The following RP1L1 variants were observed in gnomAD, a reference collection of about 807,000 sequenced individuals.
RP1L1 encodes RP1 like 1.
RP1L1 carries 27 observed loss-of-function variants against 15.7 expected under a neutral mutation model. The ratio of observed to expected loss-of-function variants is 1.72; its 90% CI spans 1.27 to 2.38. The LOEUF (loss-of-function observed/expected upper bound fraction) is 2.38. Ranked by LOEUF, RP1L1 falls within the 30% of genes most tolerant of loss-of-function variation. RP1L1 has a pLI of 0.00. For missense variants in RP1L1, 4,798 were observed against 3,075.9 expected, an observed-to-expected ratio of 1.56 and a Z score of -13.24; for synonymous variants, 1,813 against 1,276.7, an observed-to-expected ratio of 1.42 and a Z score of -8.96.
At chr8:10,627,985 G>C (rs867093571) in intron 1 of RP1L1, among the ~76,000 whole-genome samples, 7 of 152,322 alleles carry the variant, frequency 4.6e-5, no homozygotes, top group Middle Eastern at 3.4e-3. Context: ...GGCACAGCTT[G>C]GGGAGGCAGG....
At chr8:10,617,619 C>T (rs184168245) in intron 2 of RP1L1, among the ~76,000 whole-genome samples, 3 of 125,830 alleles carry the variant, frequency 2.4e-5, no homozygotes, top group East Asian at 2.6e-4. Context: ...TGCAGTGGCG[C>T]GATCTGGGCT....
At chr8:10,613,621 A>T (rs935285109) in intron 3 of RP1L1, among the ~76,000 whole-genome samples, 1 of 148,982 alleles carries the variant, frequency 6.7e-6, no homozygotes, top group Non-Finnish European at 1.5e-5. Flanking sequence ...AAAAAAAAAA[A>T]AAAGTAAAGA....
At chr8:10,637,202 C>T (rs1798342648) in intron 1 of RP1L1, among the ~76,000 whole-genome samples, 2 of 152,202 alleles carry the variant, frequency 1.3e-5, no homozygotes, top group Admixed American at 1.3e-4. Context: ...GCTGCCTCTC[C>T]CCACGTAGTA....
chr8:10,619,840 G>C (rs775619231), intron 2 of RP1L1, among the ~76,000 whole-genome samples: 1 of 151,726 alleles, frequency 6.6e-6, no homozygotes, highest in Non-Finnish European at 1.5e-5. Flanking sequence ...GGCGCCTGTA[G>C]TCCCAGCTAC....
Position 10,610,033 on chromosome 8 carries a change from C to G in RP1L1, c.4065G>C (p.Gln1355His), listed in dbSNP as rs1797802162. The change falls in exon 4 of 4, where the codon CAG becomes CAC. Residue 1355 changes from glutamine to histidine, a missense_variant. Transcript: ENST00000382483. The stretch of plus-strand genomic sequence containing the variant: ...CTCCTGTTTCTTCAATTTCCTCTAA[C>G]TGCGCCTCTTCTTCTTGCTGTCCTT... ...EGEGQQEEEAQLEEIEETGGE... is the reference protein window; with the variant it reads ...EGEGQQEEEAHLEEIEETGGE... The G allele has an allele frequency of 6.8e-7, 1 of 1,477,322 alleles. No individual in the cohort carries two copies. The allele number at this position is 1,477,322 out of a possible 1,614,324, so 91.5% of individuals were successfully genotyped here.
At chr8:10,653,893 A>G (rs538829268) in intron 1 of RP1L1, among the ~76,000 whole-genome samples, 1 of 152,236 alleles carries the variant, frequency 6.6e-6, no homozygotes, top group South Asian at 2.1e-4. Flanking sequence ...TCCCCCAGGG[A>G]AGGAGTCCTG....
chr8:10,631,413 ACGCACACACACATGCG>A (rs1798250275), intron 1 of RP1L1, among the ~76,000 whole-genome samples: 1 of 150,104 alleles, frequency 6.7e-6, no homozygotes, highest in Admixed American at 6.6e-5. Flanking sequence ...ACACGCACAC[ACGCACACACACATGCG>A]CGCACACACA....
In RP1L1 at chr8:10,611,076, G is replaced by C. The variant is rs756996764; in HGVS notation, c.3022C>G (p.Gln1008Glu). Residue 1008 changes from glutamine to glutamate, a missense_variant, in exon 4 of 4, where the codon CAG (glutamine) becomes GAG (glutamate). Transcript: ENST00000382483. ...HSLEGLGEPAQAGQQSLEGDP... is the reference protein window; with the variant it reads ...HSLEGLGEPAEAGQQSLEGDP... ...CCTTCCAGGGACTGCTGTCCCGCCTGAGCTGGCTCCCCCAGGCCTTCCAGA... is the reference window on the plus strand; with the variant it reads ...CCTTCCAGGGACTGCTGTCCCGCCTCAGCTGGCTCCCCCAGGCCTTCCAGA... 8.9e-5 allele frequency: 144 copies of C among 1,612,768 alleles called. No individual in the cohort carries two copies. The East Asian group carries it at 3.2e-3, about 35-fold the overall frequency.
Position 10,616,579 on chromosome 8 carries a change from C to A in RP1L1, c.618G>T (p.Ser206=), listed in dbSNP as rs779020216. Residue 206 remains serine, a synonymous_variant, in exon 3 of 4, where the codon TCG becomes TCT. Transcript: ENST00000382483. The stretch of plus-strand genomic sequence containing the variant: ...AGGGGCTGTGCAGCAGGGCCTGCAG[C>A]GAGTCCACCTGAGGGAGGAGCGGGC... The part of the protein sequence containing the change: ...LYTTSGKKVD[S]LQALLHSPSV... The A allele has an allele frequency of 1.2e-5, 19 of 1,611,968 alleles. No individual in the cohort carries two copies. The highest frequency in any genetic ancestry group is 1.6e-4 in the Middle Eastern group (1 of 6,074).
chr8:10,621,164 A>T (rs1251656578), intron 2 of RP1L1: 5 of 152,932 alleles, frequency 3.3e-5, no homozygotes, highest in Admixed American at 3.3e-4. Context: ...GATAGACGAT[A>T]TCAAGGTGAG....
chr8:10,628,879 T>C (rs1798198111), intron 1 of RP1L1, among the ~76,000 whole-genome samples: 1 of 152,180 alleles, frequency 6.6e-6, no homozygotes, highest in Admixed American at 6.5e-5. Flanking sequence ...CACTTGCTAA[T>C]AGTCTCCAGG....
Position 10,611,685 on chromosome 8 carries a change from G to T in RP1L1, c.2413C>A (p.Pro805Thr), listed in dbSNP as rs753260358. The change falls in exon 4 of 4, where the codon CCC becomes ACC. Residue 805 changes from proline (P) to threonine (T), a missense_variant. Transcript: ENST00000382483. ...EARDTPQPSS[P>T]LVLQVGRPEQ... ...GGCCGTCCAACCTGCAGAACCAAGG[G>T]TGAGGAGGGCTGAGGCGTGTCCCTG... The T allele has an allele frequency of 4.3e-6, 7 of 1,613,356 alleles. No homozygotes were observed. Among genetic ancestry groups the T allele is most frequent in the South Asian group, 3.3e-5 (3 of 91,090 alleles).
At position 10,622,718 on chromosome 8, in the gene RP1L1, G is replaced by A; in HGVS notation, c.484C>T (p.Pro162Ser). 1.2e-6 allele frequency: 2 copies of A among 1,614,130 alleles called. No individual in the cohort carries two copies. The highest frequency in any genetic ancestry group is 1.3e-5 in the African/African-American group (1 of 75,014). Reference sequence around the variant, plus strand: ...AGAACCACTGTCTGCTGGAGGCGAGGGTCCATGTTCTTAATCAGCAGTATC... The same window carrying A: ...AGAACCACTGTCTGCTGGAGGCGAGAGTCCATGTTCTTAATCAGCAGTATC... Reference protein sequence around the residue: ...RRILLIKNMDPRLQQTVVLSH... With the variant: ...RRILLIKNMDSRLQQTVVLSH... The change falls in exon 2 of 4, where the codon CCT becomes TCT. Residue 162 changes from proline to serine, a missense_variant. Pro to Ser is a moderately conservative substitution (Grantham distance 74). Coordinates refer to ENST00000382483, the MANE Select transcript of RP1L1 (RefSeq NM_178857.6).
At chr8:10,619,133 G>A (rs1798018564) in intron 2 of RP1L1, among the ~76,000 whole-genome samples, 1 of 152,178 alleles carries the variant, frequency 6.6e-6, no homozygotes, top group African/African-American at 2.4e-5. Flanking sequence ...GCCTCCCAAA[G>A]TGCTGGGATT....
chr8:10,649,761 C>G (rs1798531524), intron 1 of RP1L1, among the ~76,000 whole-genome samples: 1 of 152,208 alleles, frequency 6.6e-6, no homozygotes, highest in Non-Finnish European at 1.5e-5. Context: ...GGGCCCCTTT[C>G]TGGCTGTGCT....
chr8:10,621,749 G>C (rs774528626), intron 2 of RP1L1: 11 of 509,390 alleles, frequency 2.2e-5, no homozygotes, highest in Non-Finnish European at 3.5e-5. Flanking sequence ...CCGACCTTTG[G>C]TGGAATTTCA....
intron 3 of RP1L1, 21 bp downstream of exon 3, chr8:10,616,425 G>A: frequency 6.2e-7 from 1 of 1,614,156 alleles, no homozygotes; most frequent in East Asian, 2.2e-5. Context: ...TCAGATGGGG[G>A]AAACCCAAAA....
Position 10,609,673 on chromosome 8 carries a change from A to G in RP1L1, c.4425T>C (p.Pro1475=). The G allele has an allele frequency of 6.2e-7, 1 of 1,612,156 alleles. No homozygotes were observed. ...TGGCTCCGGGCGGCTTTTCCAAACC[A>G]GGCTCAAGCTGGGAGCCACTCTGCC... ...SERQSGSQLE[P]GLEKPPGATM... The change falls in exon 4 of 4, where the codon CCT becomes CCC. Residue 1475 remains proline (P), a synonymous_variant. Coordinates refer to ENST00000382483, the MANE Select transcript of RP1L1 (RefSeq NM_178857.6).
At chr8:10,618,655 G>C (rs938100001) in intron 2 of RP1L1, among the ~76,000 whole-genome samples, 1 of 152,272 alleles carries the variant, frequency 6.6e-6, no homozygotes, top group African/African-American at 2.4e-5. Context: ...TTGGGCCACA[G>C]CACTCCAAAC....
Sources: allele counts gnomAD v4.1 joint callset (sites outside exome capture counted in the v4.1 genomes callset), GRCh38; gene constraint gnomAD v4.1.1; transcripts MANE v1.5; gene names NCBI Gene and HGNC (gene_info 2026-07-23, HGNC 2026-07-21).